PLXNA4: variants seen among roughly 807,000 people sequenced by gnomAD.
The protein encoded by PLXNA4 is plexin-A4.
In PLXNA4, 44 loss-of-function variants were observed where a neutral mutation model predicts 191.8. The ratio of observed to expected loss-of-function variants is 0.23; its 90% CI spans 0.18 to 0.29. The LOEUF (loss-of-function observed/expected upper bound fraction) is 0.29, where lower values mean the gene tolerates loss of function less well. PLXNA4 is among the 10% of genes least tolerant of loss of function. The pLI, the probability that PLXNA4 is intolerant of heterozygous loss-of-function variation, is 1.00. For synonymous variants in PLXNA4, 1,082 were observed against 1,009.5 expected, an observed-to-expected ratio of 1.07 and a Z score of -1.36; for missense variants, 1,800 against 2,488.8, an observed-to-expected ratio of 0.72 and a Z score of 5.89.
intron 2 of PLXNA4, among the ~76,000 whole-genome samples, chr7:132,625,430 A>T (rs1803351338): frequency 6.6e-6 from 1 of 152,220 alleles, no homozygotes; most frequent in Non-Finnish European, 1.5e-5. Context: ...TTAATTCTGC[A>T]ATATTTCAAG....
intron 15 of PLXNA4, 121 bp downstream of exon 15, chr7:132,187,350 A>C: frequency 6.8e-7 from 1 of 1,465,006 alleles, no homozygotes; most frequent in Non-Finnish European, 9.1e-7. Flanking sequence ...GCTGGCAAGA[A>C]GAACCTGTCA....
chr7:132,146,999 T>C (rs762177683), intron 27 of PLXNA4, among the ~76,000 whole-genome samples: 1 of 152,240 alleles, frequency 6.6e-6, no homozygotes, highest in Non-Finnish European at 1.5e-5. Flanking sequence ...CTGTACTTTT[T>C]TAATGCTTTT....
chr7:132,609,035 C>T (rs1238143463), intron 2 of PLXNA4, among the ~76,000 whole-genome samples: 1 of 152,180 alleles, frequency 6.6e-6, no homozygotes, highest in African/African-American at 2.4e-5. Flanking sequence ...CTGTCACTAC[C>T]TGCTGAAATG....
chr7:132,269,924 C>T (rs774422430), intron 4 of PLXNA4, among the ~76,000 whole-genome samples: 2 of 152,008 alleles, frequency 1.3e-5, no homozygotes, highest in Non-Finnish European at 2.9e-5. Context: ...GAAGTCAGTG[C>T]TGAGGCCCCT....
At chr7:132,545,903 G>T (rs1800284622) in intron 1 of PLXNA4, among the ~76,000 whole-genome samples, 1 of 152,162 alleles carries the variant, frequency 6.6e-6, no homozygotes, top group Non-Finnish European at 1.5e-5. Context: ...CTGACTGATA[G>T]GATAACTATG....
chr7:132,591,709 T>C (rs1468745536), intron 2 of PLXNA4, among the ~76,000 whole-genome samples: 1 of 152,162 alleles, frequency 6.6e-6, no homozygotes, highest in Admixed American at 6.5e-5. Flanking sequence ...ACTAGGAGCG[T>C]TTGGGTCCTC....
intron 1 of PLXNA4, among the ~76,000 whole-genome samples, chr7:132,511,113 A>C (rs1798696938): frequency 2.0e-5 from 3 of 152,186 alleles, no homozygotes; most frequent in Non-Finnish European, 4.4e-5. Context: ...TCACAGCTGC[A>C]CATATAGAGG....
At chr7:132,520,844 T>C (rs1378909124) in intron 1 of PLXNA4, among the ~76,000 whole-genome samples, 1 of 152,082 alleles carries the variant, frequency 6.6e-6, no homozygotes, top group Admixed American at 6.5e-5. Flanking sequence ...AGGAAGCCCA[T>C]AATCCCACCA....
intron 2 of PLXNA4, among the ~76,000 whole-genome samples, chr7:132,500,991 C>T (rs972455151): frequency 1.3e-5 from 2 of 152,154 alleles, no homozygotes; most frequent in African/African-American, 4.8e-5. Flanking sequence ...GAAGGGAAGG[C>T]CCAGAAGTCC....
intron 1 of PLXNA4, among the ~76,000 whole-genome samples, chr7:132,571,332 C>G (rs979866267): frequency 2.6e-5 from 4 of 152,166 alleles, no homozygotes; most frequent in Admixed American, 2.6e-4. Flanking sequence ...AAATGGGGAC[C>G]TATCAAAATT....
chr7:132,367,938 G>C (rs541690643), intron 3 of PLXNA4: 3 of 152,140 alleles, frequency 2.0e-5, no homozygotes, highest in Non-Finnish European at 4.4e-5. Flanking sequence ...AGGTGCCAGC[G>C]GTAGGACTGC....
At chr7:132,493,221 CA>C (rs1380216315) in intron 2 of PLXNA4, among the ~76,000 whole-genome samples, 1 of 152,172 alleles carries the variant, frequency 6.6e-6, no homozygotes, top group Non-Finnish European at 1.5e-5. Context: ...GCCCCATTAA[CA>C]GTGAGATTAG....
At chr7:132,230,314 C>A (rs912633639) in intron 5 of PLXNA4, among the ~76,000 whole-genome samples, 3 of 152,206 alleles carry the variant, frequency 2.0e-5, no homozygotes, top group African/African-American at 7.2e-5. Context: ...TTGCTGCAGA[C>A]TAAGCTGGTT....
At chr7:132,583,516 G>A (rs960124586) in intron 2 of PLXNA4, among the ~76,000 whole-genome samples, 2 of 152,180 alleles carry the variant, frequency 1.3e-5, no homozygotes, top group African/African-American at 4.8e-5. Context: ...CAGGGCCAAG[G>A]CATATACAAG....
At chr7:132,201,665 A>G (rs1797438142) in intron 12 of PLXNA4, among the ~76,000 whole-genome samples, 1 of 152,182 alleles carries the variant, frequency 6.6e-6, no homozygotes, top group Admixed American at 6.5e-5. Flanking sequence ...GGTGCCACAG[A>G]TGACATGGTG....
intron 3 of PLXNA4, among the ~76,000 whole-genome samples, chr7:132,429,881 A>G (rs545643295): frequency 6.6e-6 from 1 of 152,168 alleles, no homozygotes; most frequent in Admixed American, 6.5e-5. Context: ...TCAGGAAATC[A>G]TCCTACGAGG....
At chr7:132,556,641 G>A (rs1210204601) in intron 1 of PLXNA4, among the ~76,000 whole-genome samples, 3 of 152,216 alleles carry the variant, frequency 2.0e-5, no homozygotes, top group Non-Finnish European at 4.4e-5. Flanking sequence ...CCCTGCTTCT[G>A]GAGCCTAAAG....
chr7:132,432,748 C>A (rs1795314066), intron 3 of PLXNA4, among the ~76,000 whole-genome samples: 1 of 152,118 alleles, frequency 6.6e-6, no homozygotes, highest in East Asian at 1.9e-4. Flanking sequence ...TGAAAAAAAT[C>A]TCATCTAATT....
At chr7:132,151,528 A>AGGAAGGAGGAGGAGGAGG (rs1795636728) in intron 25 of PLXNA4, among the ~76,000 whole-genome samples, 1 of 16,918 alleles carries the variant, frequency 5.9e-5, no homozygotes, top group African/African-American at 2.5e-4. Context: ...GGAGGAGGAG[A>AGGAAGGAGGAGGAGGAGG]AAGGAGGAGG....
Sources: gnomAD v4.1 joint callset for allele counts (sites outside exome capture counted in the v4.1 genomes callset) on GRCh38, gnomAD v4.1.1 for gene constraint, MANE v1.5 for transcripts, NCBI Gene and HGNC (gene_info 2026-07-23, HGNC 2026-07-21) for gene names.